Variants in APOBR observed in about 807,000 individuals in gnomAD.
APOBR encodes the protein apolipoprotein B receptor, also known as apoB-48R.
Under a neutral mutation model 88.5 loss-of-function variants are expected in APOBR, and 57 were observed. That is an observed-to-expected ratio of 0.64 (90% confidence interval 0.52 to 0.80). APOBR has a LOEUF of 0.80. APOBR is among the 30% of genes least tolerant of loss of function. APOBR has a pLI of 0.00. For synonymous variants in APOBR, 588 were observed against 572.7 expected (o/e 1.03, Z -0.38); for missense variants, 1,443 against 1,401.6 (o/e 1.03, Z -0.47).
rs370603734 is a variant in APOBR at position 28,497,104 on chromosome 16, G to A, written c.2063G>A (p.Cys688Tyr). Reference sequence around the variant, plus strand: ...GGGCTGACAACCCAGGACGCGGGATGTGGAACTGAGGAGGGAGAGGCATCT... The same window carrying A: ...GGGCTGACAACCCAGGACGCGGGATATGGAACTGAGGAGGGAGAGGCATCT... ...GEGLTTQDAG[C>Y]GTEEGEASVS... The change falls in exon 2 of 4, where the codon TGT becomes TAT. Residue 688 changes from cysteine to tyrosine, a missense_variant. Cys to Tyr is a radical substitution (Grantham distance 194). Transcript: ENST00000564831. 78 of 1,602,654 alleles carry A rather than the reference G, an allele frequency of 4.9e-5. No individual in the cohort carries two copies. The highest frequency in any genetic ancestry group is 6.5e-5 in the Non-Finnish European group (76 of 1,175,032).
chr16:28,494,920 A>C (rs2046377460), intron 1 of APOBR, 179 bp from the exon 2 acceptor site: 1 of 843,626 alleles, frequency 1.2e-6, no homozygotes, highest in African/African-American at 1.7e-5. Context: ...CCCCACCTCC[A>C]ACCATGCGTC....
At position 28,498,210 on chromosome 16, in the gene APOBR, C is replaced by A. The variant is rs530469440; in HGVS notation, c.3085C>A (p.Pro1029Thr). The A allele has an allele frequency of 1.2e-6, 2 of 1,605,170 alleles. No individual in the cohort carries two copies. The highest frequency in any genetic ancestry group is 2.2e-5 in the East Asian group (1 of 44,722). The part of the protein sequence containing the change: ...RTPAWEQQEE[P>T]PAPNPPEEEL... ...TCCGGCCTGGGAGCAGCAGGAGGAG[C>A]CCCCAGCCCCCAACCCTCCTGAGGA... Residue 1029 changes from proline to threonine, a missense_variant, in exon 3 of 4, where the codon CCC becomes ACC. By Grantham distance (38) the Pro-to-Thr change is conservative. Coordinates refer to ENST00000564831, the MANE Select transcript of APOBR (RefSeq NM_018690.4).
chr16:28,497,929 T>A lies in APOBR; in HGVS notation c.2888T>A (p.Val963Asp), dbSNP rs766302258. Reference sequence around the variant, plus strand: ...CCTGCAGAAGCTGCGCCGGAGTCAGTCGGGGAAGCCGAGACGGCTGAGGCC... The same window carrying A: ...CCTGCAGAAGCTGCGCCGGAGTCAGACGGGGAAGCCGAGACGGCTGAGGCC... ...QAPAEAAPES[V>D]GEAETAEAMG... The change falls in exon 2 of 4, where the codon GTC (valine) becomes GAC (aspartate). Residue 963 changes from valine (V) to aspartate (D), a missense_variant. By Grantham distance (152) the Val-to-Asp change is radical. Coordinates refer to ENST00000564831, the MANE Select transcript of APOBR (RefSeq NM_018690.4). 6.2e-7 allele frequency: 1 copy of A among 1,612,982 alleles called. No individual in the cohort carries two copies. The highest frequency in any genetic ancestry group is 8.5e-7 in the Non-Finnish European group (1 of 1,179,660).
At position 28,496,884 on chromosome 16, in the gene APOBR, G is replaced by A. The variant is rs778311986; in HGVS notation, c.1843G>A (p.Glu615Lys). Residue 615 changes from glutamate to lysine, a missense_variant, in exon 2 of 4, where the codon GAG becomes AAG. Physicochemically the swap from Glu to Lys is moderately conservative, Grantham distance 56. Coordinates refer to ENST00000564831, the MANE Select transcript of APOBR (RefSeq NM_018690.4). ...GPRHAGSVKP[E>K]ASEAFPGAWE... ...CAGGCACGCGGGGTCTGTAAAGCCT[G>A]AGGCCTCCGAGGCCTTCCCAGGAGC... 11 of 1,559,126 alleles carry A rather than the reference G, an allele frequency of 7.1e-6. No individual in the cohort carries two copies. In the African/African-American group the frequency reaches 1.5e-4, roughly 21 times the overall value.
In APOBR at chr16:28,497,128, C is replaced by T. The variant is rs773855629; in HGVS notation, c.2087C>T (p.Ser696Phe). 3 of 1,605,988 alleles carry T rather than the reference C, an allele frequency of 1.9e-6. No homozygotes were observed. The highest frequency in any genetic ancestry group is 2.5e-6 in the Non-Finnish European group (3 of 1,176,592). The change falls in exon 2 of 4, where the codon TCT (serine) becomes TTT (phenylalanine). Residue 696 changes from serine to phenylalanine, a missense_variant. Coordinates refer to ENST00000564831, the MANE Select transcript of APOBR (RefSeq NM_018690.4). The part of the protein sequence containing the change: ...AGCGTEEGEA[S>F]VSENQELDGS... ...TGTGGAACTGAGGAGGGAGAGGCAT[C>T]TGTCTCAGAGAACCAGGAGCTGGAC...
In APOBR at chr16:28,497,962, G is replaced by C; in HGVS notation, c.2921G>C (p.Ser974Thr). ...GEAETAEAMG[S>T]ARGGAANSWS... ...GCCGAGACGGCTGAGGCCATGGGCA[G>C]TGCCAGAGGAGGTGCTGCCAACAGC... Residue 974 changes from serine to threonine, a missense_variant, in exon 2 of 4, where the codon AGT becomes ACT. Transcript: ENST00000564831. 1.9e-6 allele frequency: 3 copies of C among 1,608,332 alleles called. No homozygotes were observed. Among genetic ancestry groups the C allele is most frequent in the Non-Finnish European group, 2.5e-6 (3 of 1,176,796 alleles).
At position 28,496,710 on chromosome 16, in the gene APOBR, A is replaced by G. The variant is rs1164232202; in HGVS notation, c.1669A>G (p.Ser557Gly). 2.5e-6 allele frequency: 4 copies of G among 1,601,672 alleles called. No individual in the cohort carries two copies. Among genetic ancestry groups the G allele is most frequent in the African/African-American group, 1.3e-5 (1 of 74,822 alleles). ...LGVEWGGLTH[S>G]VTKGQGPELM... ...CGTGGAATGGGGTGGCCTCACACACAGCGTCACCAAAGGCCAAGGACCTGA... is the reference window on the plus strand; with the variant it reads ...CGTGGAATGGGGTGGCCTCACACACGGCGTCACCAAAGGCCAAGGACCTGA... The change falls in exon 2 of 4, where the codon AGC becomes GGC. Residue 557 changes from serine to glycine, a missense_variant. By Grantham distance (56) the Ser-to-Gly change is moderately conservative (BLOSUM62 0). Coordinates refer to ENST00000564831, the MANE Select transcript of APOBR (RefSeq NM_018690.4).
Position 28,496,805 on chromosome 16 carries a change from G to A in APOBR, c.1764G>A (p.Met588Ile). The A allele has an allele frequency of 6.4e-7, 1 of 1,564,696 alleles. No homozygotes were observed. Among genetic ancestry groups the A allele is most frequent in the Non-Finnish European group, 8.7e-7 (1 of 1,154,588 alleles). The stretch of plus-strand genomic sequence containing the variant: ...GGGAGGCAGGGGAGGTGGAGCTCAT[G>A]GGAGTTCTGGCCCTGAGCAAAGAGG... ...EEREAGEVEL[M>I]GVLALSKEEQ... Residue 588 changes from methionine to isoleucine, a missense_variant, in exon 2 of 4, where the codon ATG (methionine) becomes ATA (isoleucine). Coordinates refer to ENST00000564831, the MANE Select transcript of APOBR (RefSeq NM_018690.4).
intron 1 of APOBR, 154 bp from the exon 2 acceptor site, chr16:28,494,945 C>T (rs1353332696): frequency 1.2e-5 from 11 of 884,668 alleles, no homozygotes; most frequent in South Asian, 1.9e-5. Flanking sequence ...TACCCCTAAT[C>T]GATGCCCCTT....
Position 28,498,300 on chromosome 16 carries a change from A to G in APOBR, c.3175A>G (p.Arg1059Gly). The G allele has an allele frequency of 6.2e-7, 1 of 1,602,404 alleles. No homozygotes were observed. The highest frequency in any genetic ancestry group is 8.5e-7 in the Non-Finnish European group (1 of 1,174,740). Residue 1059 changes from arginine to glycine, a missense_variant, in exon 3 of 4, where the codon AGG (arginine) becomes GGG (glycine). Coordinates refer to ENST00000564831, the MANE Select transcript of APOBR (RefSeq NM_018690.4). The part of the protein sequence containing the change: ...LEEPLEPSPL[R>G]HDGTPVPARR... ...GGAACCCCTGGAGCCAAGCCCTCTG[A>G]GGCATGATGGGACCCCGGTGCCAGC...
chr16:28,497,486 A>G lies in APOBR; in HGVS notation c.2445A>G (p.Ala815=). 1 of 1,613,670 alleles carries G rather than the reference A, an allele frequency of 6.2e-7. No individual in the cohort carries two copies. Among genetic ancestry groups the G allele is most frequent in the Non-Finnish European group, 8.5e-7 (1 of 1,179,760 alleles). Residue 815 remains alanine (A), a synonymous_variant, in exon 2 of 4, where the codon GCA becomes GCG. Transcript: ENST00000564831. ...GGQEFGLEGS[A]EEEVTGRGSQ... Reference sequence around the variant, plus strand: ...AAGAATTTGGTCTGGAGGGCTCAGCAGAGGAAGAGGTGACTGGCAGAGGCA... The same window carrying G: ...AAGAATTTGGTCTGGAGGGCTCAGCGGAGGAAGAGGTGACTGGCAGAGGCA...
rs762308039 is a variant in APOBR, at chr16:28,498,487, C to T, written c.3276C>T (p.Gly1092=). 10 of 1,599,106 alleles carry T rather than the reference C, an allele frequency of 6.3e-6. No homozygotes were observed. The highest frequency in any genetic ancestry group is 3.3e-4 in the Middle Eastern group (2 of 6,050). ...GMMQELQARL[G]RPKPQ ...TGCAGGAGCTGCAAGCCCGTCTGGG[C>T]CGGCCTAAGCCCCAGTGACTGAGAC... The change falls in exon 4 of 4, where the codon GGC becomes GGT. Residue 1092 remains glycine (G), a synonymous_variant. Coordinates refer to ENST00000564831, the MANE Select transcript of APOBR (RefSeq NM_018690.4).
Position 28,497,485 on chromosome 16 carries a change from C to A in APOBR, c.2444C>A (p.Ala815Glu), listed in dbSNP as rs377488362. The A allele has an allele frequency of 1.2e-6, 2 of 1,613,586 alleles. No homozygotes were observed. The highest frequency in any genetic ancestry group is 3.3e-5 in the Admixed American group (2 of 59,910). The change falls in exon 2 of 4, where the codon GCA becomes GAA. Residue 815 changes from alanine to glutamate, a missense_variant. Physicochemically the swap from Ala to Glu is moderately radical, Grantham distance 107. Transcript: ENST00000564831. ...CAAGAATTTGGTCTGGAGGGCTCAG[C>A]AGAGGAAGAGGTGACTGGCAGAGGC... is the stretch of plus-strand genomic sequence containing the variant. ...GGQEFGLEGS[A>E]EEEVTGRGSQ...
In APOBR at chr16:28,497,848, A is replaced by T; in HGVS notation, c.2807A>T (p.Glu936Val). Residue 936 changes from glutamate to valine, a missense_variant, in exon 2 of 4, where the codon GAG (glutamate) becomes GTG (valine). By Grantham distance (121) the Glu-to-Val change is moderately radical. Coordinates refer to ENST00000564831, the MANE Select transcript of APOBR (RefSeq NM_018690.4). ...CGGAGGGCAGAGGCCAAGGAGACTG[A>T]GCCAGAAAGCCTGGAACATGTCAGG... ...GGRRAEAKET[E>V]PESLEHVRGQ... is the part of the protein sequence containing the mutation. The T allele has an allele frequency of 6.2e-7, 1 of 1,611,056 alleles. No homozygotes were observed.
At position 28,495,488 on chromosome 16, in the gene APOBR, C is replaced by T; in HGVS notation, c.447C>T (p.Cys149=). ...RKKSKAGSGA[C]QDRSGQAQER... Reference sequence around the variant, plus strand: ...AATCCAAGGCAGGGTCTGGGGCTTGCCAAGACAGGAGCGGCCAAGCCCAGG... The same window carrying T: ...AATCCAAGGCAGGGTCTGGGGCTTGTCAAGACAGGAGCGGCCAAGCCCAGG... Residue 149 remains cysteine, a synonymous_variant, in exon 2 of 4, where the codon TGC becomes TGT. Coordinates refer to ENST00000564831, the MANE Select transcript of APOBR (RefSeq NM_018690.4). 6.4e-7 allele frequency: 1 copy of T among 1,566,342 alleles called. No individual in the cohort carries two copies.
rs182440975 is a variant in APOBR, at chr16:28,494,965, T to C, written c.58-134T>C. 3.0e-5 allele frequency: 30 copies of C among 1,014,528 alleles called. No individual in the cohort carries two copies. The Admixed American group carries it at 9.1e-4, about 31-fold the overall frequency. The allele number at this position is 1,014,528 out of a possible 1,614,324, so 62.8% of individuals were successfully genotyped here. A position where few individuals can be genotyped will look rare whatever the true frequency, so the allele number is the denominator to read the frequency against. ...CTAATCGATGCCCCTTCTGGCTCCTTCTGCAAATCCTCTTCTTCTCCTTTC... is the reference window on the plus strand; with the variant it reads ...CTAATCGATGCCCCTTCTGGCTCCTCCTGCAAATCCTCTTCTTCTCCTTTC... On this transcript the variant is annotated intron_variant, in intron 1 of 3. Transcript: ENST00000564831.
Position 28,498,070 on chromosome 16 carries a change from C to T in APOBR, c.2956-11C>T, listed in dbSNP as rs1198316835. The T allele has an allele frequency of 5.8e-6, 9 of 1,544,242 alleles. No individual in the cohort carries two copies. Among genetic ancestry groups the T allele is most frequent in the Non-Finnish European group, 7.8e-6 (9 of 1,151,398 alleles). ...CCGGCCCCATGGTCCTCTGTGCCCC[C>T]TTTCCTGCAGGCCCCGCTCCCCGGG... is the stretch of plus-strand genomic sequence containing the variant. On this transcript the variant is annotated splice_polypyrimidine_tract_variant and intron_variant, in intron 2 of 3. Coordinates refer to ENST00000564831, the MANE Select transcript of APOBR (RefSeq NM_018690.4).
chr16:28,497,532 T>C lies in APOBR; in HGVS notation c.2491T>C (p.Ser831Pro). The C allele has an allele frequency of 6.2e-7, 1 of 1,610,162 alleles. No homozygotes were observed. The highest frequency in any genetic ancestry group is 1.1e-5 in the South Asian group (1 of 90,574). Reference sequence around the variant, plus strand: ...AGGCAGCCAAGTAGAGGCTTTTGAGTCCAGGGAGGGAGGACCTTGGGGAGG... The same window carrying C: ...AGGCAGCCAAGTAGAGGCTTTTGAGCCCAGGGAGGGAGGACCTTGGGGAGG... ...GRGSQVEAFESREGGPWGGRV... is the reference protein window; with the variant it reads ...GRGSQVEAFEPREGGPWGGRV... Residue 831 changes from serine (S) to proline (P), a missense_variant, in exon 2 of 4, where the codon TCC becomes CCC. Physicochemically the swap from Ser to Pro is moderately conservative, Grantham distance 74. Transcript: ENST00000564831.
At position 28,497,568 on chromosome 16, in the gene APOBR, G is replaced by A; in HGVS notation, c.2527G>A (p.Ala843Thr). 1 of 1,605,076 alleles carries A rather than the reference G, an allele frequency of 6.2e-7. No homozygotes were observed. The highest frequency in any genetic ancestry group is 8.5e-7 in the Non-Finnish European group (1 of 1,175,618). ...AGGACCTTGGGGAGGGCGGGTAGAG[G>A]CCGAGGAATCTGCAGGCGCAGAGGA... ...EGGPWGGRVE[A>T]EESAGAEDSC... Residue 843 changes from alanine to threonine, a missense_variant, in exon 2 of 4, where the codon GCC becomes ACC. Coordinates refer to ENST00000564831, the MANE Select transcript of APOBR (RefSeq NM_018690.4).
Sources: allele counts gnomAD v4.1 joint callset, GRCh38; gene constraint gnomAD v4.1.1; transcripts MANE v1.5; gene names NCBI Gene and HGNC (gene_info 2026-07-23, HGNC 2026-07-21).